SYTL2: variants seen among roughly 807,000 people sequenced by gnomAD.
The protein encoded by SYTL2 is synaptotagmin like 2.
In SYTL2, 165 loss-of-function variants were observed where a neutral mutation model predicts 198.7. The observed-to-expected ratio is 0.83, with a 90% CI of 0.73 to 0.94. The LOEUF is 0.94. SYTL2 is among the 40% of genes least tolerant of loss of function. The pLI is 0.00. For synonymous variants in SYTL2, 966 were observed against 917.7 expected (o/e 1.05, Z -0.95); for missense variants, 2,835 against 2,582.8 (o/e 1.10, Z -2.12).
intron 7 of SYTL2, among the ~76,000 whole-genome samples, chr11:85,729,956 T>A (rs142846999): frequency 0.013 from 1,968 of 152,264 alleles, 43 homozygotes; most frequent in African/African-American, 0.045. Flanking sequence ...CAGAGAATAC[T>A]ATAAACACTT....
At chr11:85,844,816 G>C in the SYTL2 span, among the ~76,000 whole-genome samples, 23 of 152,076 alleles carry the variant, frequency 1.5e-4, no homozygotes, top group Admixed American at 1.5e-3. Flanking sequence ...CTCTACACTT[G>C]CCAGAGTGAA....
At chr11:85,831,130 C>T in the SYTL2 span, among the ~76,000 whole-genome samples, 18 of 152,168 alleles carry the variant, frequency 1.2e-4, no homozygotes, top group Admixed American at 4.6e-4. Context: ...AGCAGAAATA[C>T]AGACTATTGA....
chr11:85,717,549 T>C lies in SYTL2; in HGVS notation c.5483-19A>G, dbSNP rs761533223. 1.1e-5 allele frequency: 17 copies of C among 1,604,028 alleles called. No homozygotes were observed. The East Asian group carries it at 1.6e-4, about 15-fold the overall frequency. ...TTCTCATCTACTCAGGAGGGCAACA[T>C]TGAGAATAAATACCATTTTAACAGA... is the stretch of plus-strand genomic sequence containing the variant. On this transcript the variant is annotated intron_variant, in intron 10 of 19. Transcript: ENST00000359152.
At chr11:85,805,592 A>C (rs1460421351) in intron 1 of SYTL2, among the ~76,000 whole-genome samples, 1 of 152,210 alleles carries the variant, frequency 6.6e-6, no homozygotes, top group African/African-American at 2.4e-5. Context: ...AGCCAGAGGC[A>C]GGAGAGTCCA....
intron 1 of SYTL2, among the ~76,000 whole-genome samples, chr11:85,778,243 G>A (rs1566015283): frequency 6.6e-6 from 1 of 152,162 alleles, no homozygotes; most frequent in South Asian, 2.1e-4. Context: ...ATACAATGTA[G>A]GTTATGATAA....
intron 1 of SYTL2, among the ~76,000 whole-genome samples, chr11:85,797,687 C>T (rs2092823809): frequency 6.6e-6 from 1 of 151,864 alleles, no homozygotes; most frequent in Admixed American, 6.6e-5. Flanking sequence ...ATTATTGTCC[C>T]TTTTGTCAGC....
chr11:85,699,742 G>A (rs1318841465), intron 17 of SYTL2, among the ~76,000 whole-genome samples: 3 of 152,150 alleles, frequency 2.0e-5, no homozygotes, highest in Admixed American at 1.3e-4. Context: ...TTCTTAAAGA[G>A]ACTAACTTGG....
intron 6 of SYTL2, among the ~76,000 whole-genome samples, chr11:85,736,053 C>G (rs971234596): frequency 1.3e-4 from 20 of 152,236 alleles, no homozygotes; most frequent in Non-Finnish European, 1.5e-5. Context: ...AATTGAGCCA[C>G]AAACCTGATC....
chr11:85,772,041 T>C (rs1444068704), intron 1 of SYTL2, among the ~76,000 whole-genome samples: 1 of 152,176 alleles, frequency 6.6e-6, no homozygotes, highest in Admixed American at 6.5e-5. Context: ...CAGCTAGGCC[T>C]ACAGGCATAT....
intron 11 of SYTL2, chr11:85,716,695 TAC>T (rs67088133): frequency 2.2e-3 from 308 of 140,700 alleles, no homozygotes; most frequent in Middle Eastern, 7.0e-3. Flanking sequence ...TAAAAAATCA[TAC>T]ACACACACAC....
In SYTL2 at chr11:85,770,673, C is replaced by T. The variant is rs547025665; in HGVS notation, c.-389-12559G>A. Reference sequence around the variant, plus strand: ...GCCAGACCATTGTTTATGCCATTCTCTCTACCTGGAATGTCTTTACCTTTT... The same window carrying T: ...GCCAGACCATTGTTTATGCCATTCTTTCTACCTGGAATGTCTTTACCTTTT... On this transcript the variant is annotated intron_variant, in intron 1 of 19. Coordinates refer to ENST00000359152, the MANE Select transcript of SYTL2 (RefSeq NM_206927.4). Among the ~76,000 whole-genome samples the T allele has an allele frequency of 2.6e-5, 4 of 152,254 alleles. No individual in the cohort carries two copies. In the South Asian group the frequency reaches 8.3e-4, roughly 32 times the overall value.
At chr11:85,738,130 C>T (rs2090500854) in intron 4 of SYTL2, among the ~76,000 whole-genome samples, 1 of 152,110 alleles carries the variant, frequency 6.6e-6, no homozygotes, top group Non-Finnish European at 1.5e-5. Context: ...CCTGCTTTTC[C>T]CCATGAAGTA....
intron 19 of SYTL2, among the ~76,000 whole-genome samples, chr11:85,695,768 A>G (rs1416495364): frequency 6.6e-6 from 1 of 152,242 alleles, no homozygotes; most frequent in Non-Finnish European, 1.5e-5. Flanking sequence ...TTGGGGTAAC[A>G]TTAGTAACTA....
At chr11:85,852,910 AC>A in the SYTL2 span, 2 of 277,506 alleles carry the variant, frequency 7.2e-6, no homozygotes, top group Non-Finnish European at 1.4e-5. Context: ...CCCGGCCGCG[AC>A]CCCGTCTGGG....
At chr11:85,721,987 A>G (rs1313826960) in intron 8 of SYTL2, among the ~76,000 whole-genome samples, 1 of 152,082 alleles carries the variant, frequency 6.6e-6, no homozygotes, top group Non-Finnish European at 1.5e-5. Flanking sequence ...CTTGCTCCCC[A>G]AAATTACAGT....
At chr11:85,794,413 A>G (rs531399299) in intron 1 of SYTL2, among the ~76,000 whole-genome samples, 2 of 152,140 alleles carry the variant, frequency 1.3e-5, no homozygotes, top group Non-Finnish European at 2.9e-5. Flanking sequence ...CTCAGGCCTC[A>G]AGTGATCCTC....
At position 85,726,583 on chromosome 11, in the gene SYTL2, G is replaced by C; in HGVS notation, c.2775C>G (p.Asn925Lys). The C allele has an allele frequency of 6.4e-7, 1 of 1,573,236 alleles. No individual in the cohort carries two copies. The highest frequency in any genetic ancestry group is 8.6e-7 in the Non-Finnish European group (1 of 1,164,962). Residue 925 changes from asparagine to lysine, a missense_variant, in exon 8 of 20, where the codon AAC (asparagine) becomes AAG (lysine). Physicochemically the swap from Asn to Lys is moderately conservative, Grantham distance 94. This residue lies in a region of SYTL2 where 2,645 missense variants were observed against 2,381.7 expected (regional missense o/e 1.11). Transcript: ENST00000359152. ...GAGGTTGCAGTGCTGGTAAAGTAAT[G>C]TTTCTTCTAGAAGGCAAACTGTCTG... ...QVADSLPSRR[N>K]ITLPALQPPS...
chr11:85,808,627 T>C (rs1254086802), intron 1 of SYTL2, among the ~76,000 whole-genome samples: 1 of 152,126 alleles, frequency 6.6e-6, no homozygotes, highest in African/African-American at 2.4e-5. Context: ...CCTAAGAATA[T>C]ATAACAATCT....
chr11:85,749,836 A>G (rs1219563097), intron 2 of SYTL2, among the ~76,000 whole-genome samples: 1 of 152,212 alleles, frequency 6.6e-6, no homozygotes, highest in Non-Finnish European at 1.5e-5. Flanking sequence ...AGAATGGAGA[A>G]GTTCTTCTAC....
Sources: gnomAD v4.1 joint callset for allele counts (sites outside exome capture counted in the v4.1 genomes callset) on GRCh38, gnomAD v4.1.1 for gene constraint, gnomAD v4.1.1 regional missense constraint, MANE v1.5 for transcripts, NCBI Gene and HGNC (gene_info 2026-07-23, HGNC 2026-07-21) for gene names.